The following GFOD1 variants were observed in gnomAD, a reference collection of about 807,000 sequenced individuals.
GFOD1 encodes the protein Gfo/Idh/MocA-like oxidoreductase domain containing 1, also known as glucose-fructose oxidoreductase domain-containing protein 1.
A neutral mutation model predicts 25.4 loss-of-function variants in GFOD1; 9 were observed. The observed-to-expected ratio is 0.35, with a 90% confidence interval of 0.21 to 0.62. The LOEUF (loss-of-function observed/expected upper bound fraction) is 0.62, where lower values mean the gene tolerates loss of function less well. Among genes scored for constraint, GFOD1 ranks in the 20% least tolerant of loss-of-function variants. GFOD1 has a pLI of 0.72. For missense variants in GFOD1, 403 were observed against 556.9 expected (o/e 0.72, Z 2.78); for synonymous variants, 253 against 245.6 (o/e 1.03, Z -0.28).
At chr6:13,386,336 G>A (rs1455262394) in intron 1 of GFOD1, among the ~76,000 whole-genome samples, 1 of 152,062 alleles carries the variant, frequency 6.6e-6, no homozygotes, top group Non-Finnish European at 1.5e-5. Context: ...TTATAAGCAA[G>A]CAAACTGATA....
At chr6:13,444,132 G>C (rs929593124) in intron 1 of GFOD1, among the ~76,000 whole-genome samples, 1 of 152,034 alleles carries the variant, frequency 6.6e-6, no homozygotes, top group African/African-American at 2.4e-5. Flanking sequence ...TGGCAGACTG[G>C]GTAAAGAAAA....
intron 1 of GFOD1, among the ~76,000 whole-genome samples, chr6:13,374,310 T>TGTGTTTG (rs1562196253): frequency 2.3e-5 from 3 of 129,512 alleles, no homozygotes; most frequent in Admixed American, 7.6e-5. Context: ...TGTGTGTTTG[T>TGTGTTTG]TTTTTTTTTT....
chr6:13,409,179 G>GAAAGAAAGAAAGAAAGAA (rs1554201909), intron 1 of GFOD1, among the ~76,000 whole-genome samples: 4 of 34,128 alleles, frequency 1.2e-4, no homozygotes, highest in East Asian at 2.0e-3. Flanking sequence ...AAGAGAGAGA[G>GAAAGAAAGAAAGAAAGAA]AGAGAGAAAG....
chr6:13,454,626 G>A (rs916628794), intron 1 of GFOD1, among the ~76,000 whole-genome samples: 1 of 152,154 alleles, frequency 6.6e-6, no homozygotes, highest in African/African-American at 2.4e-5. Flanking sequence ...TCCTCAGAAT[G>A]AGCAATGCCA....
At chr6:13,444,505 A>AG (rs1757970757) in intron 1 of GFOD1, among the ~76,000 whole-genome samples, 1 of 150,834 alleles carries the variant, frequency 6.6e-6, no homozygotes, top group Non-Finnish European at 1.5e-5. Flanking sequence ...TGCTCCTGTT[A>AG]AAAAAAAAAG....
chr6:13,448,286 T>G (rs974261523), intron 1 of GFOD1, among the ~76,000 whole-genome samples: 1 of 152,176 alleles, frequency 6.6e-6, no homozygotes, highest in Non-Finnish European at 1.5e-5. Flanking sequence ...ATTTACCTGT[T>G]GTTTTGTAAG....
At chr6:13,447,165 G>A (rs1758016622) in intron 1 of GFOD1, among the ~76,000 whole-genome samples, 1 of 152,206 alleles carries the variant, frequency 6.6e-6, no homozygotes, top group Non-Finnish European at 1.5e-5. Context: ...CTTAGATCTA[G>A]AGGCTGAAAT....
chr6:13,377,575 T>C (rs1004159529), intron 1 of GFOD1, among the ~76,000 whole-genome samples: 2 of 152,200 alleles, frequency 1.3e-5, no homozygotes, highest in African/African-American at 4.8e-5. Flanking sequence ...TTGGACTTCC[T>C]CTTTTGCCAC....
intron 1 of GFOD1, among the ~76,000 whole-genome samples, chr6:13,422,639 G>GA (rs1429773300): frequency 1.3e-5 from 2 of 152,076 alleles, no homozygotes; most frequent in Admixed American, 6.5e-5. Flanking sequence ...GGATGACAGG[G>GA]AAAAAAGGAA....
chr6:13,380,977 T>A (rs1785351867), intron 1 of GFOD1, among the ~76,000 whole-genome samples: 2 of 152,054 alleles, frequency 1.3e-5, no homozygotes, highest in South Asian at 4.1e-4. Context: ...TCCTACAACC[T>A]CTTATCTCCA....
rs538934088 is a variant in GFOD1 at position 13,365,929 on chromosome 6, G to A, written c.254-267C>T. ...ATAATAATAATAATAATAATGAGCC[G>A]GGCGTGGTGGTGCACGCCTGTGGTC... On this transcript the variant is annotated intron_variant, in intron 1 of 1. Coordinates refer to ENST00000379287, the MANE Select transcript of GFOD1 (RefSeq NM_018988.4). This position sits in a 1 kb window ranked among gnomAD's most constrained non-coding sequence, Gnocchi z 9.2. Among the ~76,000 whole-genome samples, 11 of 147,456 alleles carry A rather than the reference G, an allele frequency of 7.5e-5. No homozygotes were observed. Among genetic ancestry groups the A allele is most frequent in the Admixed American group, 3.4e-4 (5 of 14,796 alleles).
chr6:13,475,425 T>G, intron 1 of GFOD1, among the ~76,000 whole-genome samples: 1 of 149,488 alleles, frequency 6.7e-6, no homozygotes, highest in African/African-American at 2.5e-5. Context: ...AATACAAAAA[T>G]TAGGCTGGGC....
At chr6:13,381,133 T>A (rs1785355447) in intron 1 of GFOD1, among the ~76,000 whole-genome samples, 2 of 152,280 alleles carry the variant, frequency 1.3e-5, no homozygotes, top group South Asian at 4.1e-4. Context: ...ATGCTGCCCC[T>A]GGTGCTGGCT....
chr6:13,372,771 G>A lies in GFOD1; in HGVS notation c.254-7109C>T, dbSNP rs574732656. 3.9e-5 allele frequency among the ~76,000 whole-genome samples: 6 copies of A among 152,280 alleles called. No homozygotes were observed. The South Asian group carries it at 8.3e-4, about 21-fold the overall frequency. ...CCTGGAACCTCAAGCATCCCTCCCC[G>A]TGAGCACACTTCCAATCACACAATC... is the stretch of plus-strand genomic sequence containing the variant. On this transcript the variant is annotated intron_variant, in intron 1 of 1. Coordinates refer to ENST00000379287, the MANE Select transcript of GFOD1 (RefSeq NM_018988.4).
At chr6:13,450,088 G>A (rs1046468186) in intron 1 of GFOD1, among the ~76,000 whole-genome samples, 1 of 152,120 alleles carries the variant, frequency 6.6e-6, no homozygotes, top group Non-Finnish European at 1.5e-5. Context: ...TTCTGTTCCT[G>A]AGAATTTCCT....
At chr6:13,429,929 C>T (rs1757719793) in intron 1 of GFOD1, among the ~76,000 whole-genome samples, 1 of 152,160 alleles carries the variant, frequency 6.6e-6, no homozygotes, top group African/African-American at 2.4e-5. Context: ...AAAGTGATCA[C>T]ACTACTTCTC....
In GFOD1 at chr6:13,386,805, G is replaced by A. The variant is rs144308198; in HGVS notation, c.254-21143C>T. Among the ~76,000 whole-genome samples, 11 of 152,284 alleles carry A rather than the reference G, an allele frequency of 7.2e-5. No individual in the cohort carries two copies. The East Asian group carries it at 2.1e-3, about 29-fold the overall frequency. On this transcript the variant is annotated intron_variant, in intron 1 of 1. Coordinates refer to ENST00000379287, the MANE Select transcript of GFOD1 (RefSeq NM_018988.4). Reference sequence around the variant, plus strand: ...GGCACCATTTCCTCATTGGCAAAGCGAGATGGGACTACAACAGCTGTTCTG... The same window carrying A: ...GGCACCATTTCCTCATTGGCAAAGCAAGATGGGACTACAACAGCTGTTCTG...
chr6:13,469,347 G>T (rs944319373), intron 1 of GFOD1: 22 of 985,168 alleles, frequency 2.2e-5, no homozygotes, highest in Non-Finnish European at 2.5e-5. Context: ...GAGAAGTGAA[G>T]ATCATGAAAT....
chr6:13,458,310 G>A (rs1038399270), intron 1 of GFOD1, among the ~76,000 whole-genome samples: 5 of 152,120 alleles, frequency 3.3e-5, no homozygotes, highest in African/African-American at 1.2e-4. Flanking sequence ...TAGAGACACG[G>A]TTTCACCATG....
Sources: gnomAD v4.1 joint callset for allele counts (sites outside exome capture counted in the v4.1 genomes callset) on GRCh38, gnomAD v4.1.1 for gene constraint, Gnocchi (gnomAD v3.1) non-coding constraint, MANE v1.5 for transcripts, NCBI Gene and HGNC (gene_info 2026-07-23, HGNC 2026-07-21) for gene names.